Variants in CYP11A1 observed in about 807,000 individuals in gnomAD.
CYP11A1 encodes the protein cytochrome P450 family 11 subfamily A member 1.
CYP11A1 carries 25 observed loss-of-function variants against 51.9 expected under a neutral mutation model. The observed-to-expected ratio is 0.48, with a 90% confidence interval of 0.35 to 0.67. CYP11A1 has a LOEUF of 0.67. CYP11A1 is among the 30% of genes least tolerant of loss of function. The pLI, the probability that CYP11A1 is intolerant of heterozygous loss-of-function variation, is 0.00. For synonymous variants in CYP11A1, 245 were observed against 262.1 expected, an observed-to-expected ratio of 0.93 and a Z score of 0.63; for missense variants, 578 against 680.9, an observed-to-expected ratio of 0.85 and a Z score of 1.68.
At chr15:74,343,587 C>T (rs544257130) in intron 4 of CYP11A1, among the ~76,000 whole-genome samples, 1 of 152,276 alleles carries the variant, frequency 6.6e-6, no homozygotes, top group South Asian at 2.1e-4. Context: ...CCTCTTTTTC[C>T]AGAAAAATCT....
chr15:74,345,162 G>A lies in CYP11A1; in HGVS notation c.507C>T (p.Pro169=), dbSNP rs1293441177. ...AGTCCCGAGACACTGCATCCAACAG[G>A]GGCAAAAAGTTCTTGGTGGCCTCTG... ...MAPEATKNFL[P]LLDAVSRDFV... is the part of the protein sequence containing the mutation. The change falls in exon 3 of 9, where the codon CCC becomes CCT. Residue 169 remains proline, a synonymous_variant. Coordinates refer to ENST00000268053, the MANE Select transcript of CYP11A1 (RefSeq NM_000781.3). The surrounding 1 kb of genome is among the most constrained non-coding windows in gnomAD (Gnocchi z 4.3). 2 of 1,614,150 alleles carry A rather than the reference G, an allele frequency of 1.2e-6. No individual in the cohort carries two copies. Among genetic ancestry groups the A allele is most frequent in the Non-Finnish European group, 1.7e-6 (2 of 1,180,020 alleles).
At chr15:74,359,877 A>T (rs1596167150) in intron 1 of CYP11A1, among the ~76,000 whole-genome samples, 1 of 152,382 alleles carries the variant, frequency 6.6e-6, no homozygotes, top group East Asian at 1.9e-4. Context: ...CAAACTGGTT[A>T]AATATAAAGT....
chr15:74,365,630 A>T (rs1043618147), intron 1 of CYP11A1: 2 of 962,902 alleles, frequency 2.1e-6, no homozygotes, highest in African/African-American at 3.5e-5. Flanking sequence ...GGGAACTAGG[A>T]ATACTTTCCC....
intron 8 of CYP11A1, 189 bp downstream of exon 8, chr15:74,338,381 GA>G: frequency 1.4e-6 from 1 of 733,694 alleles, no homozygotes; most frequent in Admixed American, 2.0e-5. Context: ...ATCAGTGGGT[GA>G]TGAGTGGTTG....
Position 74,338,080 on chromosome 15 carries a change from T to G in CYP11A1, c.1458A>C (p.Glu486Asp). Residue 486 changes from glutamate to aspartate, a missense_variant, in exon 9 of 9, where the codon GAA (glutamate) becomes GAC (aspartate). Transcript: ENST00000268053. ...TGCCCACATCGCTGAGGTGTTGGAT[T>G]TCAACTCTGAAGTTCTCCAGCATCT... ...LINMLENFRV[E>D]IQHLSDVGTT... is the part of the protein sequence containing the mutation. 6.2e-7 allele frequency: 1 copy of G among 1,614,202 alleles called. No individual in the cohort carries two copies. Among genetic ancestry groups the G allele is most frequent in the Non-Finnish European group, 8.5e-7 (1 of 1,180,022 alleles).
At chr15:74,342,825 T>G in intron 5 of CYP11A1, 152 bp downstream of exon 5, 2 of 756,358 alleles carry the variant, frequency 2.6e-6, no homozygotes, top group Non-Finnish European at 4.5e-6. Context: ...TCTTAGGAGA[T>G]TAGCGCTTTG....
chr15:74,365,826 G>A (rs973724440), intron 1 of CYP11A1: 1 of 985,610 alleles, frequency 1.0e-6, no homozygotes, highest in Non-Finnish European at 1.2e-6. Flanking sequence ...GCCGCAGGCC[G>A]GGCAGAGAAA....
chr15:74,356,760 CT>C (rs935269890), intron 1 of CYP11A1, among the ~76,000 whole-genome samples: 5 of 152,144 alleles, frequency 3.3e-5, no homozygotes, highest in African/African-American at 7.2e-5. Flanking sequence ...TATTGCCACC[CT>C]TTTCCCCAGT....
chr15:74,343,515 A>T (rs1256282077), intron 4 of CYP11A1, among the ~76,000 whole-genome samples: 4 of 152,204 alleles, frequency 2.6e-5, no homozygotes, highest in Non-Finnish European at 5.9e-5. Context: ...TGGCTCAGAC[A>T]CTGGTCCTTT....
chr15:74,351,597 C>T (rs2060656876), intron 1 of CYP11A1, among the ~76,000 whole-genome samples: 1 of 152,200 alleles, frequency 6.6e-6, no homozygotes, highest in Non-Finnish European at 1.5e-5. Flanking sequence ...TAAGATTGGA[C>T]CCCACAGGAG....
At chr15:74,365,885 GC>G (rs1211741795) in intron 1 of CYP11A1, 2 of 985,506 alleles carry the variant, frequency 2.0e-6, no homozygotes, top group East Asian at 2.3e-4. Flanking sequence ...GGCAGGGCCA[GC>G]GAAGCCAGTG....
intron 1 of CYP11A1, chr15:74,362,562 T>C (rs914194972): frequency 1.9e-5 from 3 of 154,194 alleles, no homozygotes; most frequent in Non-Finnish European, 4.3e-5. Flanking sequence ...TTTGGGTTCA[T>C]AATCTCACAA....
chr15:74,356,766 C>T (rs917137230), intron 1 of CYP11A1, among the ~76,000 whole-genome samples: 1 of 152,148 alleles, frequency 6.6e-6, no homozygotes, highest in Non-Finnish European at 1.5e-5. Context: ...CACCCTTTTC[C>T]CCAGTTTAAA....
chr15:74,344,965 C>T lies in CYP11A1; in HGVS notation c.625+79G>A, dbSNP rs771857709. On this transcript the variant is annotated intron_variant, in intron 3 of 8. Transcript: ENST00000268053. ...TCTCAATGCCTCTGCAGGGTCTGTA[C>T]TGAACCTCAAGGTAAGAGAGTGAAC... 9 of 1,331,966 alleles carry T rather than the reference C, an allele frequency of 6.8e-6. No individual in the cohort carries two copies. In the East Asian group the frequency reaches 1.6e-4, roughly 24 times the overall value. 82.5% of individuals were successfully genotyped at this position (1,331,966 alleles called of 1,614,324 possible). A position where few individuals can be genotyped will look rare whatever the true frequency, so the allele number is the denominator to read the frequency against.
At position 74,365,810 on chromosome 15, in the gene CYP11A1, T is replaced by G. The variant is rs528099736; in HGVS notation, c.269+1507A>C. 4.1e-6 allele frequency: 4 copies of G among 985,526 alleles called. No homozygotes were observed. The African/African-American group carries it at 7.0e-5, about 17-fold the overall frequency. 61.0% of individuals were successfully genotyped at this position (985,526 alleles called of 1,614,324 possible). On this transcript the variant is annotated intron_variant, in intron 1 of 8. Coordinates refer to ENST00000268053, the MANE Select transcript of CYP11A1 (RefSeq NM_000781.3). The stretch of plus-strand genomic sequence containing the variant: ...GCCAGCAGAGGCGAGGAGTGGATGC[T>G]GCAGGGCCGCAGGCCGGGCAGAGAA...
At chr15:74,355,719 C>T (rs12595816) in intron 1 of CYP11A1, among the ~76,000 whole-genome samples, 4,372 of 152,312 alleles carry the variant, frequency 0.029, 90 homozygotes, top group Middle Eastern at 0.12. Context: ...CCAGTAATTT[C>T]CTCTTAAAAA....
chr15:74,348,564 C>T (rs916081751), intron 1 of CYP11A1, among the ~76,000 whole-genome samples: 3 of 152,214 alleles, frequency 2.0e-5, no homozygotes, highest in South Asian at 2.1e-4. Context: ...GACTCTACAA[C>T]TGAAATTCTG....
chr15:74,364,061 C>T (rs1291184589), intron 1 of CYP11A1: 1 of 152,278 alleles, frequency 6.6e-6, no homozygotes, highest in Non-Finnish European at 1.5e-5. Context: ...GGTATCCACC[C>T]CCTAAAGTTT....
At chr15:74,342,186 G>A (rs749031933) in intron 5 of CYP11A1, among the ~76,000 whole-genome samples, 5 of 152,238 alleles carry the variant, frequency 3.3e-5, no homozygotes, top group Non-Finnish European at 5.9e-5. Flanking sequence ...GGGTTCAAGC[G>A]ATTCTCCTGC....
Sources: gnomAD v4.1 joint callset for allele counts (sites outside exome capture counted in the v4.1 genomes callset) on GRCh38, gnomAD v4.1.1 for gene constraint, Gnocchi (gnomAD v3.1) non-coding constraint, MANE v1.5 for transcripts, NCBI Gene and HGNC (gene_info 2026-07-23, HGNC 2026-07-21) for gene names.